Variants in NRXN3 observed in about 807,000 individuals in gnomAD.
NRXN3 encodes neurexin 3.
A neutral mutation model predicts 137.6 loss-of-function variants in NRXN3; 32 were observed. The observed-to-expected ratio is 0.23, with a 90% CI of 0.18 to 0.31. NRXN3 has a LOEUF of 0.31. Ranked by LOEUF, NRXN3 falls within the 10% of genes least tolerant of loss-of-function variation. NRXN3 has a pLI of 1.00. For synonymous variants in NRXN3, 798 were observed against 784.5 expected, an observed-to-expected ratio of 1.02 and a Z score of -0.29; for missense variants, 1,574 against 2,062.5, an observed-to-expected ratio of 0.76 and a Z score of 4.59.
At chr14:79,340,651 G>A (rs539152657) in intron 15 of NRXN3, among the ~76,000 whole-genome samples, 22 of 152,242 alleles carry the variant, frequency 1.4e-4, no homozygotes, top group African/African-American at 4.6e-4. Context: ...TTTTAGCAGA[G>A]ACAGGTTTCT....
chr14:79,295,054 G>A (rs903274838), intron 15 of NRXN3, among the ~76,000 whole-genome samples: 1 of 152,018 alleles, frequency 6.6e-6, no homozygotes, highest in African/African-American at 2.4e-5. Flanking sequence ...GGCTCTTCGT[G>A]TCATTTCCTC....
At chr14:79,090,731 C>A (rs2049000619) in intron 15 of NRXN3, among the ~76,000 whole-genome samples, 1 of 152,148 alleles carries the variant, frequency 6.6e-6, no homozygotes, top group Admixed American at 6.6e-5. Context: ...CTTTATTCCC[C>A]ACACTACATA....
At chr14:79,194,277 A>C (rs1441404680) in intron 15 of NRXN3, among the ~76,000 whole-genome samples, 1 of 152,190 alleles carries the variant, frequency 6.6e-6, no homozygotes, top group Non-Finnish European at 1.5e-5. Context: ...CTTCTCTGAC[A>C]TGCAAAAATG....
intron 4 of NRXN3, among the ~76,000 whole-genome samples, chr14:78,319,234 C>T (rs1194059715): frequency 1.3e-5 from 2 of 152,190 alleles, no homozygotes; most frequent in South Asian, 2.1e-4. Context: ...CACGCAAGTG[C>T]CTGCTGAAAC....
chr14:79,178,696 A>G (rs1019490815), intron 15 of NRXN3, among the ~76,000 whole-genome samples: 8 of 152,216 alleles, frequency 5.3e-5, no homozygotes, highest in Non-Finnish European at 8.8e-5. Flanking sequence ...ATACAAGAGA[A>G]AGCACAAGAC....
intron 4 of NRXN3, among the ~76,000 whole-genome samples, chr14:78,480,034 G>C (rs1271352265): frequency 6.6e-6 from 1 of 152,132 alleles, no homozygotes; most frequent in Non-Finnish European, 1.5e-5. Context: ...CAGCTGCTCA[G>C]GAGGCTGAGG....
At position 79,393,447 on chromosome 14, in the gene NRXN3, T is replaced by G. The variant is rs1312324698; in HGVS notation, c.3263-73774T>G. Among the ~76,000 whole-genome samples the G allele has an allele frequency of 5.9e-5, 9 of 152,234 alleles. 1 individual carries two copies. Among genetic ancestry groups the G allele is most frequent in the Admixed American group, 5.9e-4 (9 of 15,286 alleles). On this transcript the variant is annotated intron_variant, in intron 15 of 20. Coordinates refer to ENST00000335750, the MANE Select transcript of NRXN3 (RefSeq NM_001330195.2). The stretch of plus-strand genomic sequence containing the variant: ...CGAATGAAGTTCACTGTATGTGTAG[T>G]GGATTAAATGAGATTGACTATTTTT...
At chr14:78,548,246 T>C (rs568647669) in intron 4 of NRXN3, among the ~76,000 whole-genome samples, 1 of 152,308 alleles carries the variant, frequency 6.6e-6, no homozygotes, top group South Asian at 2.1e-4. Context: ...TAAGATACTT[T>C]GATAAGCTAT....
chr14:78,785,673 G>A (rs765940406), intron 8 of NRXN3, among the ~76,000 whole-genome samples: 16 of 152,148 alleles, frequency 1.1e-4, no homozygotes, highest in Admixed American at 1.3e-4. Context: ...AGTAGCCTGC[G>A]TATGATGCAT....
At chr14:78,277,130 A>G (rs1306062114) in intron 2 of NRXN3, among the ~76,000 whole-genome samples, 1 of 152,154 alleles carries the variant, frequency 6.6e-6, no homozygotes, top group Non-Finnish European at 1.5e-5. Flanking sequence ...TGCTATGGGT[A>G]TGTTCATTCT....
chr14:79,516,792 C>T (rs1025588077), intron 16 of NRXN3, among the ~76,000 whole-genome samples: 1 of 152,138 alleles, frequency 6.6e-6, no homozygotes, highest in African/African-American at 2.4e-5. Context: ...CTTTTCTTCT[C>T]TTTTAATATA....
chr14:78,335,318 A>G (rs1478636215), intron 4 of NRXN3, among the ~76,000 whole-genome samples: 1 of 152,164 alleles, frequency 6.6e-6, no homozygotes, highest in African/African-American at 2.4e-5. Context: ...AGTTTTACCC[A>G]TTGTCTGTGG....
intron 10 of NRXN3, among the ~76,000 whole-genome samples, chr14:78,894,697 A>G (rs949278280): frequency 5.9e-5 from 9 of 151,856 alleles, no homozygotes; most frequent in African/African-American, 2.2e-4. Context: ...AGGAATCACC[A>G]TGTCAGTTCT....
intron 15 of NRXN3, among the ~76,000 whole-genome samples, chr14:79,227,922 T>C (rs935186871): frequency 1.3e-5 from 2 of 148,466 alleles, no homozygotes; most frequent in Non-Finnish European, 3.0e-5. Context: ...TGACCTCACA[T>C]GTGACAGTTA....
At chr14:78,398,614 G>A (rs1341763985) in intron 4 of NRXN3, among the ~76,000 whole-genome samples, 1 of 152,100 alleles carries the variant, frequency 6.6e-6, no homozygotes, top group Admixed American at 6.6e-5. Context: ...GAAATGCCTT[G>A]TTACTATTCC....
chr14:79,551,269 C>T (rs1473407658), intron 16 of NRXN3, among the ~76,000 whole-genome samples: 1 of 152,140 alleles, frequency 6.6e-6, no homozygotes, highest in African/African-American at 2.4e-5. Context: ...CCATAACTTT[C>T]TGCTCAGAAC....
intron 16 of NRXN3, among the ~76,000 whole-genome samples, chr14:79,655,395 C>T (rs1472442449): frequency 6.6e-6 from 1 of 152,186 alleles, no homozygotes; most frequent in Non-Finnish European, 1.5e-5. Context: ...TTATTGCTCT[C>T]CTTGTGTTCT....
rs919487754 is a variant in NRXN3, at chr14:79,549,473, T to C, written c.3444+82071T>C. 7.2e-5 allele frequency among the ~76,000 whole-genome samples: 11 copies of C among 152,256 alleles called. No homozygotes were observed. In the East Asian group the frequency reaches 7.8e-4, roughly 11 times the overall value. ...ATGAAAAGTATTCCACAAATACTCC[T>C]TCCCTGAGCTTGTTCCTTCCTTTCA... is the stretch of plus-strand genomic sequence containing the variant. On this transcript the variant is annotated intron_variant, in intron 16 of 20. Transcript: ENST00000335750.
intron 17 of NRXN3, among the ~76,000 whole-genome samples, chr14:79,680,380 T>C (rs916796455): frequency 6.6e-6 from 1 of 152,022 alleles, no homozygotes; most frequent in African/African-American, 2.4e-5. Context: ...AGTGAAACCC[T>C]GTCTCAAAAC....
Sources: gnomAD v4.1 joint callset for allele counts (sites outside exome capture counted in the v4.1 genomes callset) on GRCh38, gnomAD v4.1.1 for gene constraint, MANE v1.5 for transcripts, NCBI Gene and HGNC (gene_info 2026-07-23, HGNC 2026-07-21) for gene names.